The following WNT10A variants were observed in gnomAD, a reference collection of about 807,000 sequenced individuals.
The protein encoded by WNT10A is protein Wnt-10a.
WNT10A carries 37 observed loss-of-function variants against 36.1 expected under a neutral mutation model. The observed-to-expected ratio is 1.02, with a 90% CI of 0.79 to 1.35. WNT10A has a LOEUF of 1.35. Ranked by LOEUF, WNT10A falls within the 40% of genes most tolerant of loss-of-function variation. The pLI is 0.00. For missense variants in WNT10A, 613 were observed against 601.4 expected (o/e 1.02, Z -0.20); for synonymous variants, 255 against 254.1 (o/e 1.00, Z -0.03).
chr2:218,880,710 C>T, upstream of WNT10A: 1 of 387,172 alleles, frequency 2.6e-6, no homozygotes, highest in Non-Finnish European at 4.6e-6. This position sits in a 1 kb window ranked among gnomAD's most constrained non-coding sequence, Gnocchi z 7.7. Context: ...TTGAGAGGCA[C>T]CGGGAGTTGT....
chr2:218,879,802 A>G (rs1006899548), upstream of WNT10A, among the ~76,000 whole-genome samples: 1 of 152,136 alleles, frequency 6.6e-6, no homozygotes, highest in Non-Finnish European at 1.5e-5. Context: ...GAGCCTCGAT[A>G]TTTTCTTGTG....
rs1944529720 is a variant in WNT10A, at chr2:218,882,407, T to C, written c.360T>C (p.Ser120=). The change falls in exon 2 of 4, where the codon AGT becomes AGC. Residue 120 remains serine (S), a synonymous_variant. Coordinates refer to ENST00000258411, the MANE Select transcript of WNT10A (RefSeq NM_025216.3). ...CTCGCAACAAGATCCCCTATGAGAGTCCCATCTTCAGCAGAGGTAGCTGCC... is the reference window on the plus strand; with the variant it reads ...CTCGCAACAAGATCCCCTATGAGAGCCCCATCTTCAGCAGAGGTAGCTGCC... ...LETRNKIPYE[S]PIFSRGFRES... 2 of 1,613,488 alleles carry C rather than the reference T, an allele frequency of 1.2e-6. No homozygotes were observed. The highest frequency in any genetic ancestry group is 1.7e-5 in the Admixed American group (1 of 59,952).
upstream of WNT10A, among the ~76,000 whole-genome samples, chr2:218,877,611 C>T (rs1944464207): frequency 6.6e-6 from 1 of 152,132 alleles, no homozygotes; most frequent in Non-Finnish European, 1.5e-5. The surrounding 1 kb of genome is among the most constrained non-coding windows in gnomAD (Gnocchi z 4.1). Flanking sequence ...AAGAGGCACC[C>T]CAGATGTGTG....
At chr2:218,875,941 G>A (rs543636968), upstream of WNT10A, among the ~76,000 whole-genome samples, 4 of 152,358 alleles carry the variant, frequency 2.6e-5, no homozygotes, top group East Asian at 7.7e-4. Context: ...AAGTCCAGAG[G>A]TTAGTCTGAA....
rs749277120 is a variant in WNT10A at position 218,890,358 on chromosome 2, A to G, written c.751A>G (p.Arg251Gly). The G allele has an allele frequency of 6.3e-7, 1 of 1,599,726 alleles. No homozygotes were observed. Among genetic ancestry groups the G allele is most frequent in the South Asian group, 1.1e-5 (1 of 91,072 alleles). The change falls in exon 3 of 4, where the codon AGG becomes GGG. Residue 251 changes from arginine (R) to glycine (G), a missense_variant. Coordinates refer to ENST00000258411, the MANE Select transcript of WNT10A (RefSeq NM_025216.3). ...GAGGCTTCACAACAACCGAGTTGGG[A>G]GGCAGGTGAGAGCCCCACCCCTGGG... ...RMRLHNNRVG[R>G]QAVMENMRRK...
chr2:218,880,963 C>A lies in WNT10A; in HGVS notation c.-33C>A. 1 of 1,548,170 alleles carries A rather than the reference C, an allele frequency of 6.5e-7. No individual in the cohort carries two copies. Among genetic ancestry groups the A allele is most frequent in the Non-Finnish European group, 8.7e-7 (1 of 1,146,286 alleles). ...TCTCCAGTCCCACTGGGCTGTGAGC[C>A]CCCCACTCCCAGCCCGTCAGGGCCT... On this transcript the variant is annotated 5_prime_UTR_variant, in exon 1 of 4. Transcript: ENST00000258411. This position sits in a 1 kb window ranked among gnomAD's most constrained non-coding sequence, Gnocchi z 7.7.
intron 2 of WNT10A, among the ~76,000 whole-genome samples, chr2:218,889,135 T>G (rs1044403947): frequency 6.6e-6 from 1 of 152,226 alleles, no homozygotes; most frequent in African/African-American, 2.4e-5. Flanking sequence ...CTTTGCATCC[T>G]CATGGCTTAG....
rs903005250 is a variant in WNT10A, at chr2:218,880,930, C to T, written c.-66C>T. 5 of 1,488,168 alleles carry T rather than the reference C, an allele frequency of 3.4e-6. No individual in the cohort carries two copies. In the African/African-American group the frequency reaches 5.8e-5, roughly 17 times the overall value. 92.2% of individuals were successfully genotyped at this position (1,488,168 alleles called of 1,614,324 possible). On this transcript the variant is annotated 5_prime_UTR_variant, in exon 1 of 4. Coordinates refer to ENST00000258411, the MANE Select transcript of WNT10A (RefSeq NM_025216.3). The surrounding 1 kb of genome is among the most constrained non-coding windows in gnomAD (Gnocchi z 7.7). ...ACCCCCCGCCGATCATGCGCCGGCG[C>T]CCCTGGCTCTCCAGTCCCACTGGGC...
At chr2:218,887,895 T>C (rs1281451006) in intron 2 of WNT10A, among the ~76,000 whole-genome samples, 1 of 152,196 alleles carries the variant, frequency 6.6e-6, no homozygotes, top group Non-Finnish European at 1.5e-5. Flanking sequence ...AATAGCTCTA[T>C]TTTATAGGTA....
intron 2 of WNT10A, among the ~76,000 whole-genome samples, chr2:218,888,412 G>A (rs1944602393): frequency 6.6e-6 from 1 of 152,246 alleles, no homozygotes; most frequent in Non-Finnish European, 1.5e-5. Context: ...CAGTGGCCAG[G>A]CCGGCCTAGC....
At chr2:218,879,417 G>A (rs1489185469), upstream of WNT10A, among the ~76,000 whole-genome samples, 2 of 152,290 alleles carry the variant, frequency 1.3e-5, no homozygotes, top group Non-Finnish European at 2.9e-5. Flanking sequence ...GCACAGGGCA[G>A]GAGCACGATC....
At position 218,889,970 on chromosome 2, in the gene WNT10A, GTCT is replaced by G. The variant is rs1250145318; in HGVS notation, c.377-12_377-10del. ...CCCCTCCAGAGTCCATGTGTTCTGG[GTCT>G]TTAACCACAGGTTTCCGAGAGAGCG... is the stretch of plus-strand genomic sequence containing the variant. On this transcript the variant is annotated splice_polypyrimidine_tract_variant and intron_variant, in intron 2 of 3. Transcript: ENST00000258411. The G allele has an allele frequency of 1.9e-6, 3 of 1,612,120 alleles. No individual in the cohort carries two copies. In the East Asian group the frequency reaches 6.7e-5, roughly 36 times the overall value.
intron 3 of WNT10A, 41 bp from the exon 4 acceptor site, chr2:218,892,733 G>T: frequency 6.4e-7 from 1 of 1,554,764 alleles, no homozygotes; most frequent in African/African-American, 1.4e-5. Flanking sequence ...GGGGAGTGGG[G>T]CTGCGCGCCG....
At chr2:218,881,700 TTG>T (rs914277653) in intron 1 of WNT10A, among the ~76,000 whole-genome samples, 1 of 152,024 alleles carries the variant, frequency 6.6e-6, no homozygotes, top group Non-Finnish European at 1.5e-5. Flanking sequence ...GGGAGTGTCT[TTG>T]TGTGTGTGTC....
chr2:218,882,596 G>A (rs981870117), intron 2 of WNT10A, among the ~76,000 whole-genome samples, 173 bp downstream of exon 2: 4 of 152,214 alleles, frequency 2.6e-5, no homozygotes, highest in African/African-American at 4.8e-5. Flanking sequence ...CATGGGGGCA[G>A]AGAAATTGGG....
chr2:218,883,639 A>G (rs1036721833), intron 2 of WNT10A, among the ~76,000 whole-genome samples: 4 of 149,320 alleles, frequency 2.7e-5, no homozygotes, highest in African/African-American at 9.9e-5. Context: ...GGCGGCATGC[A>G]GCCGCGAACT....
rs1944683279 is a variant in WNT10A, at chr2:218,893,593, A to G, written c.*322A>G. On this transcript the variant is annotated 3_prime_UTR_variant, in exon 4 of 4. Coordinates refer to ENST00000258411, the MANE Select transcript of WNT10A (RefSeq NM_025216.3). This position sits in a 1 kb window ranked among gnomAD's most constrained non-coding sequence, Gnocchi z 6.3. ...CCAGGCAACCCGTCAGTCTGTCTCC[A>G]TCCTTTCACCCCTTCCCTGGAGATG... is the stretch of plus-strand genomic sequence containing the variant. 1 of 319,252 alleles carries G rather than the reference A, an allele frequency of 3.1e-6. No individual in the cohort carries two copies. The highest frequency in any genetic ancestry group is 1.4e-4 in the South Asian group (1 of 6,984). The allele number at this position is 319,252 out of a possible 1,614,324, so 19.8% of individuals were successfully genotyped here.
At chr2:218,886,945 C>T (rs1202367216) in intron 2 of WNT10A, among the ~76,000 whole-genome samples, 1 of 152,112 alleles carries the variant, frequency 6.6e-6, no homozygotes, top group East Asian at 1.9e-4. Flanking sequence ...GGGGTGTTCT[C>T]TGCCGCGGTG....
chr2:218,878,446 A>G (rs770444972), upstream of WNT10A, among the ~76,000 whole-genome samples: 1 of 151,924 alleles, frequency 6.6e-6, no homozygotes, highest in Non-Finnish European at 1.5e-5. This position sits in a 1 kb window ranked among gnomAD's most constrained non-coding sequence, Gnocchi z 4.1. Context: ...GCACCTCTGT[A>G]TTTCACAGAC....
Sources: allele counts gnomAD v4.1 joint callset (sites outside exome capture counted in the v4.1 genomes callset), GRCh38; gene constraint gnomAD v4.1.1; non-coding constraint Gnocchi (gnomAD v3.1); transcripts MANE v1.5; gene names NCBI Gene and HGNC (gene_info 2026-07-23, HGNC 2026-07-21).